KCNG3: variants seen among roughly 807,000 people sequenced by gnomAD.
KCNG3 encodes the protein voltage-gated potassium channel regulatory subunit KCNG3.
In KCNG3, 15 loss-of-function variants were observed where a neutral mutation model predicts 29.0. That is an observed-to-expected ratio of 0.52 (90% CI 0.35 to 0.80). The LOEUF is 0.80. KCNG3 is among the 30% of genes least tolerant of loss of function. The pLI is 0.01. For synonymous variants in KCNG3, 322 were observed against 248.9 expected (o/e 1.29, Z -2.76); for missense variants, 512 against 605.7 (o/e 0.85, Z 1.62).
intron 1 of KCNG3, among the ~76,000 whole-genome samples, chr2:42,488,600 A>C (rs1673787058): frequency 6.7e-6 from 1 of 148,252 alleles, no homozygotes; most frequent in Non-Finnish European, 1.5e-5. Flanking sequence ...CCCAGGCTGG[A>C]GTGCAGTAGC....
the KCNG3 span, among the ~76,000 whole-genome samples, chr2:42,423,162 A>C: frequency 6.6e-6 from 1 of 152,074 alleles, no homozygotes; most frequent in African/African-American, 2.4e-5. Context: ...TAAATCTACA[A>C]TGGAACTCTT....
intron 1 of KCNG3, among the ~76,000 whole-genome samples, chr2:42,490,846 G>T (rs1324619617): frequency 6.6e-6 from 1 of 152,182 alleles, no homozygotes; most frequent in Admixed American, 6.6e-5. Context: ...AGCAAGCAGG[G>T]TTTTAACGAC....
In KCNG3 at chr2:42,493,139, G is replaced by A. The variant is rs763998747; in HGVS notation, c.363C>T (p.Ser121=). Residue 121 remains serine (S), a synonymous_variant, in exon 1 of 2, where the codon TCC becomes TCT. Transcript: ENST00000306078. ...CGGCCGAGTAGAAGGTGTAGGTGTC[G>A]GACATGCGGTCGTCGAGGCGGCGCT... ...CCQRRLDDRM[S]DTYTFYSADE... 4.4e-6 allele frequency: 7 copies of A among 1,605,232 alleles called. No homozygotes were observed. Among genetic ancestry groups the A allele is most frequent in the Admixed American group, 1.7e-5 (1 of 59,806 alleles).
At chr2:42,392,933 T>G in the KCNG3 span, among the ~76,000 whole-genome samples, 1 of 152,148 alleles carries the variant, frequency 6.6e-6, no homozygotes, top group African/African-American at 2.4e-5. Context: ...GAGTATTGGG[T>G]TGATTTCACA....
downstream of KCNG3, among the ~76,000 whole-genome samples, chr2:42,439,893 T>C (rs1374737588): frequency 1.3e-5 from 2 of 152,098 alleles, no homozygotes; most frequent in African/African-American, 2.4e-5. Context: ...TCCACCCGCC[T>C]CGGCCTCCCA....
chr2:42,485,930 T>G (rs1043061885), intron 1 of KCNG3, among the ~76,000 whole-genome samples: 1 of 152,220 alleles, frequency 6.6e-6, no homozygotes, highest in African/African-American at 2.4e-5. Context: ...GATTAATTCA[T>G]TACTAGAACT....
the KCNG3 span, among the ~76,000 whole-genome samples, chr2:42,428,202 G>C: frequency 6.9e-3 from 1,038 of 151,082 alleles, 14 homozygotes; most frequent in African/African-American, 0.024. Flanking sequence ...GCTCACATCT[G>C]TAATCCCAGC....
chr2:42,450,163 C>T (rs1672713284), intron 1 of KCNG3, among the ~76,000 whole-genome samples: 1 of 152,140 alleles, frequency 6.6e-6, no homozygotes, highest in South Asian at 2.1e-4. Flanking sequence ...GTTGTTATGA[C>T]TAAGAAGGAG....
At chr2:42,420,771 CAA>C in the KCNG3 span, among the ~76,000 whole-genome samples, 3 of 151,810 alleles carry the variant, frequency 2.0e-5, no homozygotes, top group Non-Finnish European at 2.9e-5. Context: ...GACTGGGTAA[CAA>C]GAGCAAAACT....
intron 1 of KCNG3, among the ~76,000 whole-genome samples, chr2:42,478,665 TGTTA>T (rs1362033094): frequency 6.6e-6 from 1 of 152,100 alleles, no homozygotes; most frequent in Non-Finnish European, 1.5e-5. Context: ...CCCCAGGCTG[TGTTA>T]GTTCTGTCCC....
At chr2:42,431,122 A>AG in the KCNG3 span, among the ~76,000 whole-genome samples, 1 of 151,926 alleles carries the variant, frequency 6.6e-6, no homozygotes, top group Non-Finnish European at 1.5e-5. Flanking sequence ...AAAAAAAAAA[A>AG]ATTATAAAAC....
At position 42,493,808 on chromosome 2, in the gene KCNG3, G is replaced by T. The variant is rs1258711046; in HGVS notation, c.-307C>A. On this transcript the variant is annotated 5_prime_UTR_variant, in exon 1 of 2. Transcript: ENST00000306078. Reference sequence around the variant, plus strand: ...GTCCGCGCCGCCGACCCTCGCGCCCGAGGGCTGCGCACACCGAGGCCGCGG... The same window carrying T: ...GTCCGCGCCGCCGACCCTCGCGCCCTAGGGCTGCGCACACCGAGGCCGCGG... 1.2e-5 allele frequency: 3 copies of T among 247,334 alleles called. No individual in the cohort carries two copies. In the East Asian group the frequency reaches 2.3e-4, roughly 19 times the overall value. 15.3% of individuals were successfully genotyped at this position (247,334 alleles called of 1,614,324 possible).
chr2:42,493,670 C>G lies in KCNG3; in HGVS notation c.-169G>C. ...CCGCTGGCCCGGGGGTCCCTGGGCT[C>G]GAGTATCTCCGGCGCTGCTAGTAGC... On this transcript the variant is annotated 5_prime_UTR_variant, in exon 1 of 2. Coordinates refer to ENST00000306078, the MANE Select transcript of KCNG3 (RefSeq NM_133329.6). 1 of 459,278 alleles carries G rather than the reference C, an allele frequency of 2.2e-6. No individual in the cohort carries two copies. The highest frequency in any genetic ancestry group is 3.4e-6 in the Non-Finnish European group (1 of 290,926). The allele number at this position is 459,278 out of a possible 1,614,324, so 28.5% of individuals were successfully genotyped here. A position where few individuals can be genotyped will look rare whatever the true frequency, so the allele number is the denominator to read the frequency against.
At chr2:42,476,529 C>G (rs762901352) in intron 1 of KCNG3, among the ~76,000 whole-genome samples, 1 of 152,034 alleles carries the variant, frequency 6.6e-6, no homozygotes, top group Non-Finnish European at 1.5e-5. Flanking sequence ...CTCTGTCACC[C>G]CAGCTGGAGT....
chr2:42,449,303 T>C (rs543468597), intron 1 of KCNG3, among the ~76,000 whole-genome samples: 1 of 152,298 alleles, frequency 6.6e-6, no homozygotes, highest in Admixed American at 6.5e-5. Flanking sequence ...TTTTATGACA[T>C]GTACAAATTA....
At chr2:42,469,458 A>G (rs1292398538) in intron 1 of KCNG3, among the ~76,000 whole-genome samples, 1 of 151,690 alleles carries the variant, frequency 6.6e-6, no homozygotes, top group Non-Finnish European at 1.5e-5. Context: ...CTAGAAGTAG[A>G]TCCACATACC....
intron 1 of KCNG3, among the ~76,000 whole-genome samples, chr2:42,476,862 TAG>T (rs1203863527): frequency 6.6e-6 from 1 of 151,130 alleles, no homozygotes; most frequent in Non-Finnish European, 1.5e-5. Flanking sequence ...TGCCCATGAT[TAG>T]AGTCATTCAC....
the KCNG3 span, among the ~76,000 whole-genome samples, chr2:42,420,623 C>A: frequency 6.6e-6 from 1 of 152,020 alleles, no homozygotes; most frequent in African/African-American, 2.4e-5. Flanking sequence ...AACCCCATCT[C>A]TACTAAAAAT....
At chr2:42,483,231 T>C (rs759758649) in intron 1 of KCNG3, among the ~76,000 whole-genome samples, 1 of 152,244 alleles carries the variant, frequency 6.6e-6, no homozygotes, top group Non-Finnish European at 1.5e-5. Context: ...ATCCTATTCA[T>C]TACTAACTGC....
Sources: gnomAD v4.1 joint callset for allele counts (sites outside exome capture counted in the v4.1 genomes callset) on GRCh38, gnomAD v4.1.1 for gene constraint, MANE v1.5 for transcripts, NCBI Gene and HGNC (gene_info 2026-07-23, HGNC 2026-07-21) for gene names.